Variants in NTM observed in about 807,000 individuals in gnomAD.
NTM encodes neurotrimin, also known as IgLON family member 2.
A neutral mutation model predicts 42.1 loss-of-function variants in NTM; 13 were observed. The observed-to-expected ratio is 0.31, with a 90% CI of 0.20 to 0.49. NTM has a LOEUF of 0.49. Among genes scored for constraint, NTM ranks in the 20% least tolerant of loss-of-function variants. The pLI is 0.99. For synonymous variants in NTM, 187 were observed against 179.2 expected (o/e 1.04, Z -0.35); for missense variants, 373 against 452.8 (o/e 0.82, Z 1.60).
intron 1 of NTM, among the ~76,000 whole-genome samples, chr11:131,548,597 A>G (rs987157227): frequency 1.3e-5 from 2 of 152,200 alleles, no homozygotes; most frequent in Admixed American, 6.5e-5. Context: ...GATAGAGCAG[A>G]GTCTGCCTTC....
intron 4 of NTM, among the ~76,000 whole-genome samples, chr11:132,260,915 C>T (rs2092808759): frequency 6.6e-6 from 1 of 152,290 alleles, no homozygotes; most frequent in African/African-American, 2.4e-5. Flanking sequence ...CTGAGCACCA[C>T]TTGTAGACCT....
chr11:131,383,074 A>C (rs562840078), intron 1 of NTM, among the ~76,000 whole-genome samples: 1 of 152,276 alleles, frequency 6.6e-6, no homozygotes, highest in Non-Finnish European at 1.5e-5. Flanking sequence ...CCCTGTGTCC[A>C]TTGTTTAAAT....
chr11:131,794,487 T>C, intron 1 of NTM: 1 of 973,570 alleles, frequency 1.0e-6, no homozygotes, highest in Non-Finnish European at 1.2e-6. Context: ...CGTTTACTAC[T>C]TTGTTCCTTG....
chr11:131,621,113 G>T (rs972142034), intron 1 of NTM, among the ~76,000 whole-genome samples: 3 of 152,168 alleles, frequency 2.0e-5, no homozygotes, highest in Admixed American at 2.0e-4. Flanking sequence ...CTCACTCCCT[G>T]TTAAGGTAAT....
chr11:132,058,563 C>T (rs768638100), intron 2 of NTM, among the ~76,000 whole-genome samples: 1 of 152,296 alleles, frequency 6.6e-6, no homozygotes, highest in Non-Finnish European at 1.5e-5. Context: ...TGGGCACTTG[C>T]CATGGTTGGT....
chr11:132,049,127 C>T (rs1232405329), intron 2 of NTM, among the ~76,000 whole-genome samples: 1 of 152,046 alleles, frequency 6.6e-6, no homozygotes, highest in Non-Finnish European at 1.5e-5. Context: ...GACTTTGAGG[C>T]CACACACCTC....
chr11:132,287,583 A>T (rs2094294832), intron 4 of NTM, among the ~76,000 whole-genome samples: 1 of 152,200 alleles, frequency 6.6e-6, no homozygotes. Context: ...GATCAGAGAG[A>T]CTGAACAGCC....
chr11:132,280,688 G>T (rs1444598971), intron 4 of NTM, among the ~76,000 whole-genome samples: 1 of 152,024 alleles, frequency 6.6e-6, no homozygotes, highest in African/African-American at 2.4e-5. Context: ...GTTTCACCAT[G>T]TTGGCCAGGC....
chr11:131,532,392 C>T (rs948751478), intron 1 of NTM, among the ~76,000 whole-genome samples: 7 of 152,158 alleles, frequency 4.6e-5, no homozygotes, highest in South Asian at 4.1e-4. Flanking sequence ...TAGCGGGTAT[C>T]GGAACTCTAC....
rs140927077 is a variant in NTM, at chr11:132,268,296, G to A, written c.527-39393G>A. On this transcript the variant is annotated intron_variant, in intron 4 of 8. Coordinates refer to ENST00000683400, the MANE Select transcript of NTM (RefSeq NM_001352005.2). Reference sequence around the variant, plus strand: ...GTCATGATGCCTCAGCCTCACATCTGTGTTGCACTCTGCTAGCTACGTATA... The same window carrying A: ...GTCATGATGCCTCAGCCTCACATCTATGTTGCACTCTGCTAGCTACGTATA... 9.2e-5 allele frequency among the ~76,000 whole-genome samples: 14 copies of A among 152,214 alleles called. No individual in the cohort carries two copies. In the South Asian group the frequency reaches 1.5e-3, roughly 16 times the overall value.
intron 3 of NTM, among the ~76,000 whole-genome samples, chr11:132,191,082 G>GA (rs2079245212): frequency 6.6e-6 from 1 of 152,132 alleles, no homozygotes; most frequent in African/African-American, 2.4e-5. Context: ...TACCAGAGGG[G>GA]AAAAAACAGG....
chr11:132,205,922 G>A (rs1020534145), intron 3 of NTM, among the ~76,000 whole-genome samples: 3 of 152,076 alleles, frequency 2.0e-5, no homozygotes, highest in African/African-American at 7.2e-5. Context: ...CTCCCCAAAA[G>A]TAGTTCCCCC....
intron 1 of NTM, among the ~76,000 whole-genome samples, chr11:131,651,579 C>T (rs1023819735): frequency 4.6e-5 from 7 of 152,178 alleles, no homozygotes; most frequent in African/African-American, 1.4e-4. Flanking sequence ...CAGTGTCTCA[C>T]GCCTGTAATC....
chr11:131,699,909 GGTGTGTGTGTGTGTGTGT>G (rs10577927), intron 1 of NTM, among the ~76,000 whole-genome samples: 14,801 of 130,558 alleles, frequency 0.11, 1,022 homozygotes, highest in Middle Eastern at 0.21. Flanking sequence ...CAAAGCAGCA[GGTGTGTGTGTGTGTGTGT>G]GTGTGTGTGT....
chr11:131,571,033 C>T (rs1038636757), intron 1 of NTM, among the ~76,000 whole-genome samples: 35 of 152,176 alleles, frequency 2.3e-4, no homozygotes, highest in African/African-American at 8.4e-4. Context: ...GCTTTCCAGC[C>T]AGTTGTGCTG....
chr11:131,908,418 T>C (rs147889820), intron 1 of NTM, among the ~76,000 whole-genome samples: 3 of 152,368 alleles, frequency 2.0e-5, no homozygotes, highest in East Asian at 3.9e-4. Context: ...CAAAAACTAA[T>C]GCTCCTTTGT....
rs1375196922 is a variant in NTM, at chr11:131,789,641, AGAAG to A, written c.83-121922_83-121919del. Reference sequence around the variant, plus strand: ...GAAGAAGAAGAAGAAGAAGAAAAGAAGAAGAAGAAGAAGAAGAAGAAGAAGAAAG... The same window carrying A: ...GAAGAAGAAGAAGAAGAAGAAAAGAAAAGAAGAAGAAGAAGAAGAAGAAAG... On this transcript the variant is annotated intron_variant, in intron 1 of 8. Transcript: ENST00000683400. Among the ~76,000 whole-genome samples, 3 of 125,866 alleles carry A rather than the reference AGAAG, an allele frequency of 2.4e-5. No homozygotes were observed. In the Admixed American group the frequency reaches 3.2e-4, roughly 13 times the overall value. 82.6% of individuals were successfully genotyped at this position (125,866 alleles called of 152,430 possible).
intron 4 of NTM, among the ~76,000 whole-genome samples, chr11:132,239,962 A>C (rs1474605455): frequency 6.6e-6 from 1 of 151,262 alleles, no homozygotes; most frequent in East Asian, 1.9e-4. Context: ...CATCCATCCA[A>C]CCACCCATCC....
At chr11:132,318,380 T>A in intron 7 of NTM, among the ~76,000 whole-genome samples, 1 of 152,124 alleles carries the variant, frequency 6.6e-6, no homozygotes, top group Non-Finnish European at 1.5e-5. Flanking sequence ...AACTGTGAGG[T>A]GCATGTTGAA....
Sources: gnomAD v4.1 joint callset for allele counts (sites outside exome capture counted in the v4.1 genomes callset) on GRCh38, gnomAD v4.1.1 for gene constraint, MANE v1.5 for transcripts, NCBI Gene and HGNC (gene_info 2026-07-23, HGNC 2026-07-21) for gene names.